The following TUSC3 variants were observed in gnomAD, a reference collection of about 807,000 sequenced individuals.
TUSC3 encodes the protein dolichyl-diphosphooligosaccharide--protein glycosyltransferase subunit TUSC3.
TUSC3 carries 45 observed loss-of-function variants against 44.8 expected under a neutral mutation model. That is an observed-to-expected ratio of 1.00 (90% CI 0.79 to 1.29). The LOEUF is 1.29. Among genes scored for constraint, TUSC3 ranks in the 50% most tolerant of loss-of-function variants. The pLI is 0.00. For synonymous variants in TUSC3, 212 were observed against 152.9 expected (o/e 1.39, Z -2.85); for missense variants, 519 against 437.9 (o/e 1.19, Z -1.65).
intron 6 of TUSC3, among the ~76,000 whole-genome samples, chr8:15,727,887 C>A (rs563429263): frequency 3.9e-5 from 6 of 152,210 alleles, no homozygotes; most frequent in South Asian, 2.1e-4. Flanking sequence ...TCCTCTTAAT[C>A]CTATTTTAAA....
intron 1 of TUSC3, among the ~76,000 whole-genome samples, chr8:15,543,517 AAAATAT>A (rs1228156269): frequency 3.5e-4 from 54 of 152,288 alleles, no homozygotes; most frequent in Middle Eastern, 6.8e-3. Context: ...TGCTTGCTTT[AAAATAT>A]AAATATAATA....
At chr8:15,596,421 C>T (rs1172814298) in intron 1 of TUSC3, among the ~76,000 whole-genome samples, 1 of 152,222 alleles carries the variant, frequency 6.6e-6, no homozygotes, top group East Asian at 1.9e-4. Context: ...CCCTGTGTTC[C>T]TGGATGCAAA....
the TUSC3 span, among the ~76,000 whole-genome samples, chr8:15,843,487 G>A: frequency 1.3e-5 from 2 of 151,780 alleles, no homozygotes; most frequent in African/African-American, 4.8e-5. Context: ...GGGTGTCTCA[G>A]ATTCTTAGGC....
chr8:15,568,786 T>C (rs902788580), intron 1 of TUSC3, among the ~76,000 whole-genome samples: 2 of 152,070 alleles, frequency 1.3e-5, no homozygotes, highest in South Asian at 2.1e-4. Flanking sequence ...AAAAAAAAAA[T>C]GTAAATTCTT....
intron 2 of TUSC3, among the ~76,000 whole-genome samples, chr8:15,634,351 C>G (rs567712982): frequency 1.3e-5 from 2 of 152,122 alleles, no homozygotes; most frequent in African/African-American, 4.8e-5. Context: ...TAGACAGACC[C>G]GCAGGGAGTA....
downstream of TUSC3, among the ~76,000 whole-genome samples, chr8:15,770,757 T>C (rs1840418): frequency 0.3 from 45,145 of 151,766 alleles, 7,114 homozygotes; most frequent in East Asian, 0.45. Context: ...GACAAGGAAA[T>C]ATGAACACAG....
rs71211076 is a variant in TUSC3, at chr8:15,700,849, C to CTTTTTTT, written c.798+27025_798+27031dup. ...CTTTCACTAGAGGGAATGGCTGGAG[C>CTTTTTTT]TTTTTTTTTTTTTTTTTTGCTTTGC... On this transcript the variant is annotated intron_variant, in intron 6 of 10. Transcript: ENST00000503731. Among the ~76,000 whole-genome samples, 12 of 90,536 alleles carry CTTTTTTT rather than the reference C, an allele frequency of 1.3e-4. 2 individuals carry two copies. Among genetic ancestry groups the CTTTTTTT allele is most frequent in the African/African-American group, 2.0e-4 (4 of 20,408 alleles). 59.4% of individuals were successfully genotyped at this position (90,536 alleles called of 152,430 possible). A position where few individuals can be genotyped will look rare whatever the true frequency, so the allele number is the denominator to read the frequency against.
chr8:15,453,542 T>G (rs1294721870), intron 1 of TUSC3, among the ~76,000 whole-genome samples: 1 of 152,244 alleles, frequency 6.6e-6, no homozygotes, highest in Non-Finnish European at 1.5e-5. Context: ...TCAAATCACT[T>G]TCTTCTCCCA....
At chr8:15,825,616 T>C in the TUSC3 span, among the ~76,000 whole-genome samples, 1 of 152,126 alleles carries the variant, frequency 6.6e-6, no homozygotes, top group African/African-American at 2.4e-5. Flanking sequence ...TAAGACTCTA[T>C]TAAAGACACT....
rs77186859 is a variant in TUSC3 at position 15,693,972 on chromosome 8, C to T, written c.798+20136C>T. 5.8e-3 allele frequency among the ~76,000 whole-genome samples: 890 copies of T among 152,182 alleles called. 10 individuals are homozygous for T. The highest frequency in any genetic ancestry group is 0.02 in the African/African-American group (847 of 41,512). On this transcript the variant is annotated intron_variant, in intron 6 of 10. Transcript: ENST00000503731. ...GTATTCTGAAATTCTCTGAGTTTTT[C>T]AGCTCTATCAGCTCAGTTTAGTTCT...
At chr8:15,429,780 A>C (rs1286041145) in intron 1 of TUSC3, among the ~76,000 whole-genome samples, 1 of 151,714 alleles carries the variant, frequency 6.6e-6, no homozygotes, top group South Asian at 2.1e-4. Context: ...TAGATGCAAT[A>C]AAAAATGACA....
In TUSC3 at chr8:15,530,071, C is replaced by T. The variant is rs1057231642; in HGVS notation, n.189+46588C>T. Reference sequence around the variant, plus strand: ...AAGTGCTGGGATTACAGGCGTGAGCCACCGCGCCCGGCCGAAAAAGTTTTT... The same window carrying T: ...AAGTGCTGGGATTACAGGCGTGAGCTACCGCGCCCGGCCGAAAAAGTTTTT... On this transcript the variant is annotated intron_variant and non_coding_transcript_variant, in intron 2 of 5. Transcript: ENST00000503191. Among the ~76,000 whole-genome samples, 4 of 134,768 alleles carry T rather than the reference C, an allele frequency of 3.0e-5. 1 individual carries two copies. The highest frequency in any genetic ancestry group is 1.3e-4 in the African/African-American group (4 of 30,914). The allele number at this position is 134,768 out of a possible 152,430, so 88.4% of individuals were successfully genotyped here.
At chr8:15,460,384 T>C (rs1800328581) in intron 1 of TUSC3, among the ~76,000 whole-genome samples, 1 of 152,204 alleles carries the variant, frequency 6.6e-6, no homozygotes, top group African/African-American at 2.4e-5. Flanking sequence ...TTCTATGGGA[T>C]TGCTTGTTTT....
intron 2 of TUSC3, among the ~76,000 whole-genome samples, chr8:15,489,010 A>C (rs1800771604): frequency 6.6e-6 from 1 of 152,122 alleles, no homozygotes. Context: ...TGAAAAAGAG[A>C]GAAACTGTAA....
intron 1 of TUSC3, among the ~76,000 whole-genome samples, chr8:15,613,987 A>G (rs1308401952): frequency 6.7e-6 from 1 of 148,678 alleles, no homozygotes; most frequent in African/African-American, 2.5e-5. Context: ...CAGGAAGTAT[A>G]CATTTGTGAA....
At chr8:15,629,034 A>T (rs939822977) in intron 2 of TUSC3, among the ~76,000 whole-genome samples, 37 of 152,306 alleles carry the variant, frequency 2.4e-4, no homozygotes, top group African/African-American at 8.7e-4. Flanking sequence ...TAGAAGTAGG[A>T]TAGGGTTGAA....
intron 2 of TUSC3, among the ~76,000 whole-genome samples, chr8:15,526,193 C>T (rs533946179): frequency 9.9e-5 from 15 of 152,076 alleles, no homozygotes; most frequent in African/African-American, 3.4e-4. Context: ...CCATCACGGC[C>T]GGCTAATTTT....
intron 2 of TUSC3, among the ~76,000 whole-genome samples, chr8:15,523,680 G>GTATATATA (rs1563273640): frequency 2.7e-5 from 1 of 37,666 alleles, no homozygotes; most frequent in African/African-American, 8.1e-5. Context: ...GTGTGTGTGT[G>GTATATATA]TGTGTGTGTG....
intron 2 of TUSC3, among the ~76,000 whole-genome samples, chr8:15,504,842 T>C (rs1004615178): frequency 6.6e-6 from 1 of 150,952 alleles, no homozygotes; most frequent in Non-Finnish European, 1.5e-5. Flanking sequence ...TCAGTAGAGA[T>C]AGGGTTTCAC....
Sources: allele counts gnomAD v4.1 joint callset (sites outside exome capture counted in the v4.1 genomes callset), GRCh38; gene constraint gnomAD v4.1.1; transcripts MANE v1.5; gene names NCBI Gene and HGNC (gene_info 2026-07-23, HGNC 2026-07-21).